SGTA: variants seen among roughly 807,000 people sequenced by gnomAD.
SGTA encodes the protein small glutamine-rich tetratricopeptide repeat-containing protein alpha.
In SGTA, 22 loss-of-function variants were observed where a neutral mutation model predicts 44.3. The ratio of observed to expected loss-of-function variants is 0.50; its 90% confidence interval spans 0.36 to 0.71. SGTA has a LOEUF of 0.71. SGTA is among the 30% of genes least tolerant of loss of function. The pLI, the probability that SGTA is intolerant of heterozygous loss-of-function variation, is 0.00. For synonymous variants in SGTA, 174 were observed against 177.6 expected (o/e 0.98, Z 0.16); for missense variants, 341 against 435.9 (o/e 0.78, Z 1.94).
chr19:2,766,414 TTTTA>T (rs1043927346), intron 4 of SGTA, among the ~76,000 whole-genome samples: 1 of 151,972 alleles, frequency 6.6e-6, no homozygotes, highest in African/African-American at 2.4e-5. Flanking sequence ...TTTTGCTTCT[TTTTA>T]TTGTTTTATT....
intron 8 of SGTA, 44 bp from the exon 9 acceptor site, chr19:2,759,338 G>C: frequency 6.3e-7 from 1 of 1,578,698 alleles, no homozygotes; most frequent in African/African-American, 1.3e-5. Context: ...AGCTCCCAGC[G>C]CATCATTCTC....
At chr19:2,756,964 G>A (rs1218363271) in intron 11 of SGTA, among the ~76,000 whole-genome samples, 1 of 152,166 alleles carries the variant, frequency 6.6e-6, no homozygotes, top group African/African-American at 2.4e-5. Context: ...CCCCCGAGGT[G>A]GCAGCCCCGA....
In SGTA at chr19:2,761,606, C is replaced by T. The variant is rs1331269003; in HGVS notation, c.637-84G>A. 2 of 1,106,086 alleles carry T rather than the reference C, an allele frequency of 1.8e-6. No individual in the cohort carries two copies. Among genetic ancestry groups the T allele is most frequent in the East Asian group, 5.2e-5 (2 of 38,594 alleles). 68.5% of individuals were successfully genotyped at this position (1,106,086 alleles called of 1,614,324 possible). On this transcript the variant is annotated intron_variant, in intron 7 of 11. Coordinates refer to ENST00000221566, the MANE Select transcript of SGTA (RefSeq NM_003021.4). The surrounding 1 kb of genome is among the most constrained non-coding windows in gnomAD (Gnocchi z 5.7). Reference sequence around the variant, plus strand: ...CCCCTGGAACTCAGAAACAACGGCCCCCCACGGGGCTCAGACATTCTATCA... The same window carrying T: ...CCCCTGGAACTCAGAAACAACGGCCTCCCACGGGGCTCAGACATTCTATCA...
At position 2,761,520 on chromosome 19, in the gene SGTA, C is replaced by G. The variant is rs371978082; in HGVS notation, c.639G>C (p.Thr213=). 2.6e-6 allele frequency: 4 copies of G among 1,551,308 alleles called. No homozygotes were observed. Among genetic ancestry groups the G allele is most frequent in the Non-Finnish European group, 3.5e-6 (4 of 1,146,848 alleles). Residue 213 remains threonine, a splice_region_variant and synonymous_variant, in exon 8 of 12, where the codon ACG becomes ACC. Transcript: ENST00000221566. The surrounding 1 kb of genome is among the most constrained non-coding windows in gnomAD (Gnocchi z 5.7). ...CGATGTCGAAGCTGCCCACGCCTCCCGTCTGAGGATGAGAACAGCCCTGGT... is the reference window on the plus strand; with the variant it reads ...CGATGTCGAAGCTGCCCACGCCTCCGGTCTGAGGATGAGAACAGCCCTGGT... ...ELKLREAPSP[T]GGVGSFDIAG...
chr19:2,761,841 G>A lies in SGTA; in HGVS notation c.637-319C>T, dbSNP rs915104337. Among the ~76,000 whole-genome samples, 2 of 148,416 alleles carry A rather than the reference G, an allele frequency of 1.3e-5. No homozygotes were observed. The highest frequency in any genetic ancestry group is 6.7e-5 in the Admixed American group (1 of 15,000). On this transcript the variant is annotated intron_variant, in intron 7 of 11. Transcript: ENST00000221566. The surrounding 1 kb of genome is among the most constrained non-coding windows in gnomAD (Gnocchi z 5.7). ...ATCCCGTGTTTATTCCCCGCACAGC[G>A]CGACCGCCCGGGGACGGCACAGTCT...
chr19:2,767,202 T>C lies in SGTA; in HGVS notation c.226A>G (p.Arg76Gly). The stretch of plus-strand genomic sequence containing the variant: ...GAAGGCGGGGTTCGCGCGGGGCTCC[T>C]CAGGTCCTGCGGCATCTCCTGGACC... Reference protein sequence around the residue: ...ATGKEMPQDLRSPARTPPSEE... With the variant: ...ATGKEMPQDLGSPARTPPSEE... Residue 76 changes from arginine (R) to glycine (G), a missense_variant, in exon 4 of 12, where the codon AGG (arginine) becomes GGG (glycine). Arg to Gly is a moderately radical substitution (Grantham distance 125). Transcript: ENST00000221566. The surrounding 1 kb of genome is among the most constrained non-coding windows in gnomAD (Gnocchi z 7.3). 1.9e-6 allele frequency: 3 copies of C among 1,611,374 alleles called. No homozygotes were observed. Among genetic ancestry groups the C allele is most frequent in the Non-Finnish European group, 2.5e-6 (3 of 1,179,146 alleles).
rs1354959242 is a variant in SGTA, at chr19:2,763,282, C to T, written c.497+371G>A. Among the ~76,000 whole-genome samples, 1 of 152,184 alleles carries T rather than the reference C, an allele frequency of 6.6e-6. No individual in the cohort carries two copies. The highest frequency in any genetic ancestry group is 2.4e-5 in the African/African-American group (1 of 41,450). ...GGGCGCAGGCTCCTGCCCCGGGGAC[C>T]CTCCTGGCCTCACTCTCGGACCTGT... On this transcript the variant is annotated intron_variant, in intron 6 of 11. Transcript: ENST00000221566. The surrounding 1 kb of genome is among the most constrained non-coding windows in gnomAD (Gnocchi z 5.8).
At chr19:2,757,220 G>A (rs1378522110) in intron 11 of SGTA, 117 bp downstream of exon 11, 20 of 1,293,852 alleles carry the variant, frequency 1.5e-5, no homozygotes, top group Admixed American at 2.2e-5. Context: ...GCTGTCCAGT[G>A]TCCAGACAGG....
chr19:2,772,773 C>G (rs567929078), intron 1 of SGTA, among the ~76,000 whole-genome samples: 7 of 146,478 alleles, frequency 4.8e-5, no homozygotes, highest in African/African-American at 1.6e-4. Flanking sequence ...AAATGGGTGA[C>G]GCGGCCACAC....
chr19:2,760,378 C>T (rs1374978198), intron 8 of SGTA, among the ~76,000 whole-genome samples: 1 of 151,738 alleles, frequency 6.6e-6, no homozygotes, highest in Non-Finnish European at 1.5e-5. Context: ...ATTAGCCAGG[C>T]ATGGTGGTGG....
chr19:2,772,538 G>A (rs947736620), intron 1 of SGTA, among the ~76,000 whole-genome samples: 24 of 152,222 alleles, frequency 1.6e-4, no homozygotes, highest in Admixed American at 1.2e-3. Context: ...GAATACTGTC[G>A]TGTGCTGAAC....
intron 5 of SGTA, among the ~76,000 whole-genome samples, chr19:2,764,770 T>C (rs756063644): frequency 2.0e-5 from 3 of 152,040 alleles, no homozygotes; most frequent in Admixed American, 1.3e-4. Context: ...TTCACCATGT[T>C]AGCCAGGCTG....
intron 8 of SGTA, among the ~76,000 whole-genome samples, chr19:2,760,432 C>T (rs193249023): frequency 5.4e-5 from 8 of 147,006 alleles, no homozygotes; most frequent in East Asian, 2.0e-4. Flanking sequence ...GCAGGAGAAT[C>T]GCTTGAACCT....
Position 2,761,906 on chromosome 19 carries a change from G to C in SGTA, c.637-384C>G, listed in dbSNP as rs189785711. On this transcript the variant is annotated intron_variant, in intron 7 of 11. Transcript: ENST00000221566. The surrounding 1 kb of genome is among the most constrained non-coding windows in gnomAD (Gnocchi z 5.7). Reference sequence around the variant, plus strand: ...ATTCCCCGTACAGCGCGACCGCCCGGGGACGGCACAGTCTATCATCCCGTG... The same window carrying C: ...ATTCCCCGTACAGCGCGACCGCCCGCGGACGGCACAGTCTATCATCCCGTG... Among the ~76,000 whole-genome samples the C allele has an allele frequency of 4.7e-3, 702 of 148,812 alleles. 13 individuals are homozygous for C. Among genetic ancestry groups the C allele is most frequent in the African/African-American group, 0.017 (671 of 39,058 alleles).
At chr19:2,762,100 A>G (rs939250054) in intron 7 of SGTA, among the ~76,000 whole-genome samples, 2 of 151,954 alleles carry the variant, frequency 1.3e-5, no homozygotes, top group African/African-American at 4.8e-5. Flanking sequence ...CACCTCCCCC[A>G]TCACCCCAGG....
chr19:2,782,089 G>A (rs1001626609), intron 1 of SGTA, among the ~76,000 whole-genome samples: 3 of 152,106 alleles, frequency 2.0e-5, no homozygotes, highest in South Asian at 2.1e-4. Flanking sequence ...TCATCAGCCC[G>A]TATGGTAGGG....
Position 2,767,125 on chromosome 19 carries a change from T to A in SGTA, c.292+11A>T, listed in dbSNP as rs1443031246. On this transcript the variant is annotated intron_variant, in intron 4 of 11. Transcript: ENST00000221566. The surrounding 1 kb of genome is among the most constrained non-coding windows in gnomAD (Gnocchi z 7.3). The stretch of plus-strand genomic sequence containing the variant: ...GGCGAGGTGTCTGTGGGGATGGAGG[T>A]CCTCCCTTACCTTCGGTTTTGAGGC... The A allele has an allele frequency of 4.4e-6, 7 of 1,600,966 alleles. No individual in the cohort carries two copies. The highest frequency in any genetic ancestry group is 6.0e-6 in the Non-Finnish European group (7 of 1,171,524).
At chr19:2,782,044 G>A (rs1036518689) in intron 1 of SGTA, among the ~76,000 whole-genome samples, 1 of 152,138 alleles carries the variant, frequency 6.6e-6, no homozygotes, top group Non-Finnish European at 1.5e-5. Context: ...GTTTCACCAC[G>A]TTGGCTAGGC....
chr19:2,772,229 C>T (rs374068200), intron 1 of SGTA, among the ~76,000 whole-genome samples: 6 of 152,208 alleles, frequency 3.9e-5, no homozygotes, highest in African/African-American at 1.4e-4. Context: ...AGGGCCTGGC[C>T]AAGAGGCCGC....
Sources: gnomAD v4.1 joint callset for allele counts (sites outside exome capture counted in the v4.1 genomes callset) on GRCh38, gnomAD v4.1.1 for gene constraint, Gnocchi (gnomAD v3.1) non-coding constraint, MANE v1.5 for transcripts, NCBI Gene and HGNC (gene_info 2026-07-23, HGNC 2026-07-21) for gene names.